Variants in TRIM37 observed in about 807,000 individuals in gnomAD.
TRIM37 encodes tripartite motif containing 37.
A neutral mutation model predicts 129.8 loss-of-function variants in TRIM37; 80 were observed. That is an observed-to-expected ratio of 0.62 (90% CI 0.51 to 0.74). The LOEUF (loss-of-function observed/expected upper bound fraction) is 0.74, where lower values mean the gene tolerates loss of function less well. TRIM37 is among the 30% of genes least tolerant of loss of function. TRIM37 has a pLI of 0.00. For missense variants in TRIM37, 1,054 were observed against 1,176.5 expected (o/e 0.90, Z 1.52); for synonymous variants, 389 against 387.1 (o/e 1.00, Z -0.06).
the TRIM37 span, among the ~76,000 whole-genome samples, chr17:58,976,420 G>A: frequency 1.3e-5 from 2 of 152,120 alleles, no homozygotes; most frequent in African/African-American, 4.8e-5. Context: ...AAGAATTTGA[G>A]AAAGAATTGG....
Position 59,075,715 on chromosome 17 carries a change from C to T in TRIM37, c.617-1G>A, listed in dbSNP as rs2042759492. The T allele has an allele frequency of 1.5e-5, 24 of 1,608,306 alleles. No individual in the cohort carries two copies. Among genetic ancestry groups the T allele is most frequent in the Non-Finnish European group, 2.0e-5 (24 of 1,176,750 alleles). On this transcript the variant is annotated splice_acceptor_variant, in intron 7 of 23. Coordinates refer to ENST00000262294, the MANE Select transcript of TRIM37 (RefSeq NM_015294.6). LOFTEE classifies it high-confidence loss of function. ...TCTTGGGTTAGAGATGTCTTCTGACCTGATGAAAAATAGTGAATCATCAAC... is the reference window on the plus strand; with the variant it reads ...TCTTGGGTTAGAGATGTCTTCTGACTTGATGAAAAATAGTGAATCATCAAC...
At chr17:59,015,239 A>C (rs1353576487) in intron 21 of TRIM37, among the ~76,000 whole-genome samples, 1 of 152,082 alleles carries the variant, frequency 6.6e-6, no homozygotes, top group Non-Finnish European at 1.5e-5. Flanking sequence ...CAGGAGTTCA[A>C]GACCAGCCTG....
the TRIM37 span, among the ~76,000 whole-genome samples, chr17:58,971,766 G>A: frequency 6.6e-6 from 1 of 152,180 alleles, no homozygotes; most frequent in Non-Finnish European, 1.5e-5. Context: ...TCTGAGGATT[G>A]GTATAGAGGA....
chr17:58,994,186 C>T (rs1315677730), downstream of TRIM37, among the ~76,000 whole-genome samples: 1 of 151,970 alleles, frequency 6.6e-6, no homozygotes, highest in Non-Finnish European at 1.5e-5. Context: ...TGAACTGTTA[C>T]CAATATAGAC....
chr17:59,090,921 T>A (rs2044243792), intron 3 of TRIM37, among the ~76,000 whole-genome samples: 2 of 152,186 alleles, frequency 1.3e-5, no homozygotes, highest in Non-Finnish European at 2.9e-5. Flanking sequence ...CGAGCCACTG[T>A]GCCCGGCCAA....
intron 18 of TRIM37, among the ~76,000 whole-genome samples, chr17:59,030,519 C>T (rs1361618242): frequency 3.3e-5 from 5 of 152,144 alleles, no homozygotes; most frequent in Non-Finnish European, 5.9e-5. Context: ...ACTATTTTCC[C>T]CGCCCTCATT....
At chr17:59,026,509 T>C (rs546082809) in intron 19 of TRIM37, among the ~76,000 whole-genome samples, 1 of 152,258 alleles carries the variant, frequency 6.6e-6, no homozygotes, top group East Asian at 1.9e-4. Context: ...GCAAATCATA[T>C]ATGTGATAAA....
the TRIM37 span, among the ~76,000 whole-genome samples, chr17:58,977,103 T>A: frequency 5.9e-5 from 9 of 152,114 alleles, no homozygotes; most frequent in African/African-American, 2.2e-4. Flanking sequence ...GTGAAGTTGA[T>A]TAAATCAAAA....
Position 59,070,963 on chromosome 17 carries a change from A to G in TRIM37, c.685-16T>C, listed in dbSNP as rs2042312966. The G allele has an allele frequency of 6.2e-7, 1 of 1,612,836 alleles. No homozygotes were observed. The highest frequency in any genetic ancestry group is 1.3e-5 in the African/African-American group (1 of 74,876). On this transcript the variant is annotated splice_polypyrimidine_tract_variant and intron_variant, in intron 8 of 23. Coordinates refer to ENST00000262294, the MANE Select transcript of TRIM37 (RefSeq NM_015294.6). ...AAGACCGCAACTGTGTGAGGAAAAA[A>G]ATTATCTGAACAAACAAAATTACTA... is the stretch of plus-strand genomic sequence containing the variant.
At chr17:59,048,528 A>T (rs1694953556) in intron 15 of TRIM37, among the ~76,000 whole-genome samples, 1 of 152,244 alleles carries the variant, frequency 6.6e-6, no homozygotes, top group African/African-American at 2.4e-5. Flanking sequence ...ACCGAATCCT[A>T]AATCAGTCTA....
intron 4 of TRIM37, 83 bp from the exon 5 acceptor site, chr17:59,084,172 G>C: frequency 9.4e-7 from 1 of 1,062,258 alleles, no homozygotes; most frequent in Admixed American, 1.8e-5. Context: ...TGGGCAAACA[G>C]GTCAGTTTTA....
At chr17:59,052,134 GA>G (rs2040411240) in intron 13 of TRIM37, among the ~76,000 whole-genome samples, 1 of 149,874 alleles carries the variant, frequency 6.7e-6, no homozygotes, top group Non-Finnish European at 1.5e-5. Flanking sequence ...CTTAGGTTAG[GA>G]AAAAAAGTAC....
intron 19 of TRIM37, among the ~76,000 whole-genome samples, chr17:59,026,314 G>C (rs1598976814): frequency 6.6e-6 from 1 of 152,046 alleles, no homozygotes; most frequent in East Asian, 1.9e-4. Context: ...TAAAACTCTT[G>C]GAAGAAAACA....
At chr17:59,040,003 T>TC (rs1288474037) in intron 17 of TRIM37, among the ~76,000 whole-genome samples, 1 of 151,988 alleles carries the variant, frequency 6.6e-6, no homozygotes, top group Non-Finnish European at 1.5e-5. Context: ...GCTCAGGTGA[T>TC]CCTCCCACCT....
chr17:58,997,373 G>C (rs180895784), downstream of TRIM37, among the ~76,000 whole-genome samples: 453 of 152,238 alleles, frequency 3.0e-3, 4 homozygotes, highest in East Asian at 2.3e-3. Context: ...TGGGTCTGCT[G>C]CAAGTGAGAT....
intron 8 of TRIM37, 68 bp downstream of exon 8, chr17:59,075,579 A>AG: frequency 9.4e-7 from 1 of 1,059,872 alleles, no homozygotes; most frequent in East Asian, 2.6e-5. Flanking sequence ...AAAAAAAAAA[A>AG]AAAAACAACT....
intron 3 of TRIM37, 26 bp from the exon 4 acceptor site, chr17:59,088,433 A>G (rs749933130): frequency 8.0e-7 from 1 of 1,248,480 alleles, no homozygotes; most frequent in African/African-American, 1.5e-5. Flanking sequence ...ATACACATAC[A>G]CTAATTCAGG....
At chr17:59,034,418 CTTT>C (rs958162325) in intron 17 of TRIM37, among the ~76,000 whole-genome samples, 1 of 151,424 alleles carries the variant, frequency 6.6e-6, no homozygotes, top group Non-Finnish European at 1.5e-5. Flanking sequence ...GCTTTCTTTT[CTTT>C]TTTGTTTTTT....
At chr17:59,097,634 C>A (rs1212130823) in intron 2 of TRIM37, among the ~76,000 whole-genome samples, 5 of 152,028 alleles carry the variant, frequency 3.3e-5, no homozygotes, top group Non-Finnish European at 7.4e-5. Context: ...ATTGGGAGGC[C>A]AAGACAAGAG....
Sources: gnomAD v4.1 joint callset for allele counts (sites outside exome capture counted in the v4.1 genomes callset) on GRCh38, gnomAD v4.1.1 for gene constraint, MANE v1.5 for transcripts, NCBI Gene and HGNC (gene_info 2026-07-23, HGNC 2026-07-21) for gene names.